RPS6KC1: variants seen among roughly 807,000 people sequenced by gnomAD.
RPS6KC1 encodes ribosomal protein S6 kinase C1, also known as inactive ribosomal protein S6 kinase delta-1.
In RPS6KC1, 54 loss-of-function variants were observed where a neutral mutation model predicts 103.8. The observed-to-expected ratio is 0.52, with a 90% CI of 0.42 to 0.65. The LOEUF is 0.65. Ranked by LOEUF, RPS6KC1 falls within the 30% of genes least tolerant of loss-of-function variation. RPS6KC1 has a pLI of 0.00. For missense variants in RPS6KC1, 1,151 were observed against 1,253.8 expected, an observed-to-expected ratio of 0.92 and a Z score of 1.24; for synonymous variants, 439 against 438.7, an observed-to-expected ratio of 1.00 and a Z score of -0.01.
the RPS6KC1 span, among the ~76,000 whole-genome samples, chr1:213,363,481 C>G: frequency 6.6e-6 from 1 of 152,192 alleles, no homozygotes; most frequent in African/African-American, 2.4e-5. Flanking sequence ...TTCATGGTTG[C>G]AAGAGGGGCT....
At chr1:213,771,315 A>C in the RPS6KC1 span, among the ~76,000 whole-genome samples, 1 of 150,226 alleles carries the variant, frequency 6.7e-6, no homozygotes, top group African/African-American at 2.4e-5. Context: ...CAGTGGAAAG[A>C]GGGGAGGGGG....
At chr1:213,221,719 A>G (rs1018173282) in intron 8 of RPS6KC1, among the ~76,000 whole-genome samples, 3 of 152,124 alleles carry the variant, frequency 2.0e-5, no homozygotes, top group African/African-American at 7.2e-5. Context: ...GCTCTTCCTA[A>G]CCTGGTTCTT....
the RPS6KC1 span, among the ~76,000 whole-genome samples, chr1:213,474,671 A>G: frequency 6.6e-6 from 1 of 152,190 alleles, no homozygotes; most frequent in African/African-American, 2.4e-5. Context: ...GTGTCTGCAA[A>G]TTACTTTGGA....
At chr1:213,400,997 G>C in the RPS6KC1 span, among the ~76,000 whole-genome samples, 1 of 152,076 alleles carries the variant, frequency 6.6e-6, no homozygotes, top group Non-Finnish European at 1.5e-5. Context: ...GTGAGCCACC[G>C]TGCTCGTCCC....
chr1:213,382,533 C>CA, the RPS6KC1 span, among the ~76,000 whole-genome samples: 1 of 134,372 alleles, frequency 7.4e-6, no homozygotes, highest in Admixed American at 7.5e-5. Context: ...TTCACTCCAT[C>CA]TTTTTTTTTT....
At chr1:213,650,722 C>G in the RPS6KC1 span, among the ~76,000 whole-genome samples, 2 of 152,112 alleles carry the variant, frequency 1.3e-5, no homozygotes, top group African/African-American at 4.8e-5. Flanking sequence ...CTCTCCCCAC[C>G]CCATTCCATT....
chr1:213,419,366 T>A, the RPS6KC1 span, among the ~76,000 whole-genome samples: 6 of 152,206 alleles, frequency 3.9e-5, no homozygotes, highest in Admixed American at 2.0e-4. Flanking sequence ...GTGACAAAAA[T>A]AATGGTGGTA....
the RPS6KC1 span, among the ~76,000 whole-genome samples, chr1:213,670,054 T>C: frequency 0.4 from 60,836 of 151,980 alleles, 14,155 homozygotes; most frequent in South Asian, 0.7. Context: ...AAACTTTTTA[T>C]GGGTTTTAGT....
chr1:213,119,481 T>C (rs1196741792), intron 5 of RPS6KC1, among the ~76,000 whole-genome samples: 5 of 69,636 alleles, frequency 7.2e-5, no homozygotes, highest in Non-Finnish European at 1.0e-4. Context: ...TATATATATA[T>C]ATATATATAT....
At chr1:213,847,476 T>A in the RPS6KC1 span, among the ~76,000 whole-genome samples, 1 of 152,140 alleles carries the variant, frequency 6.6e-6, no homozygotes, top group African/African-American at 2.4e-5. Context: ...AGTAACTCCA[T>A]TTTCTAATTT....
the RPS6KC1 span, among the ~76,000 whole-genome samples, chr1:213,675,466 T>A: frequency 3.3e-5 from 5 of 152,148 alleles, no homozygotes; most frequent in Admixed American, 2.6e-4. Context: ...AAGGTAGGGG[T>A]CCAGTGTTAT....
the RPS6KC1 span, among the ~76,000 whole-genome samples, chr1:213,340,232 T>C: frequency 1.3e-5 from 2 of 152,140 alleles, no homozygotes; most frequent in Non-Finnish European, 2.9e-5. Flanking sequence ...CTCACCTCCA[T>C]GTAGGAAGGT....
chr1:213,449,781 A>T, the RPS6KC1 span, among the ~76,000 whole-genome samples: 1 of 152,096 alleles, frequency 6.6e-6, no homozygotes, highest in Admixed American at 6.6e-5. Context: ...CTGGAGGAGG[A>T]CAGCCTTCAT....
At chr1:213,706,014 G>A in the RPS6KC1 span, among the ~76,000 whole-genome samples, 1 of 152,172 alleles carries the variant, frequency 6.6e-6, no homozygotes, top group African/African-American at 2.4e-5. Context: ...GGAGGGAAGG[G>A]GTCTCTTTTG....
At chr1:213,854,112 C>A in the RPS6KC1 span, among the ~76,000 whole-genome samples, 1 of 152,078 alleles carries the variant, frequency 6.6e-6, no homozygotes, top group African/African-American at 2.4e-5. Context: ...AGATGTAGTC[C>A]CTGTTAGTCT....
At chr1:213,475,021 G>A in the RPS6KC1 span, among the ~76,000 whole-genome samples, 1 of 152,348 alleles carries the variant, frequency 6.6e-6, no homozygotes, top group African/African-American at 2.4e-5. Context: ...CATAAGTGGG[G>A]CCTCACGGAA....
the RPS6KC1 span, among the ~76,000 whole-genome samples, chr1:213,574,584 T>G: frequency 5.3e-5 from 8 of 152,274 alleles, no homozygotes; most frequent in Admixed American, 4.6e-4. Flanking sequence ...CAAGAATTCT[T>G]ACGTGAAACA....
chr1:213,657,488 G>A, the RPS6KC1 span, among the ~76,000 whole-genome samples: 4 of 152,106 alleles, frequency 2.6e-5, no homozygotes. Context: ...GGAATTCTCA[G>A]AAGATGGGGG....
chr1:213,811,757 A>G, the RPS6KC1 span, among the ~76,000 whole-genome samples: 7 of 152,200 alleles, frequency 4.6e-5, no homozygotes, highest in Non-Finnish European at 8.8e-5. Context: ...TCAAGACCAG[A>G]AAGATGGGGT....
Sources: gnomAD v4.1 joint callset for allele counts (sites outside exome capture counted in the v4.1 genomes callset) on GRCh38, gnomAD v4.1.1 for gene constraint, MANE v1.5 for transcripts, NCBI Gene and HGNC (gene_info 2026-07-23, HGNC 2026-07-21) for gene names.